Variants in ATP8A1 observed in about 807,000 individuals in gnomAD.
ATP8A1 encodes the protein ATPase phospholipid transporting 8A1.
A neutral mutation model predicts 177.7 loss-of-function variants in ATP8A1; 90 were observed. The ratio of observed to expected loss-of-function variants is 0.51; its 90% confidence interval spans 0.43 to 0.60. ATP8A1 has a LOEUF of 0.60. Among genes scored for constraint, ATP8A1 ranks in the 20% least tolerant of loss-of-function variants. ATP8A1 has a pLI of 0.00. For synonymous variants in ATP8A1, 493 were observed against 485.9 expected, an observed-to-expected ratio of 1.01 and a Z score of -0.19; for missense variants, 1,072 against 1,392.8, an observed-to-expected ratio of 0.77 and a Z score of 3.67.
chr4:42,436,862 T>A (rs1382299005), intron 33 of ATP8A1, among the ~76,000 whole-genome samples: 2 of 152,232 alleles, frequency 1.3e-5, no homozygotes, highest in Non-Finnish European at 2.9e-5. Flanking sequence ...AAATTCCTCA[T>A]ATGAAAAGTA....
intron 20 of ATP8A1, among the ~76,000 whole-genome samples, chr4:42,541,594 A>G (rs1728393252): frequency 6.6e-6 from 1 of 152,214 alleles, no homozygotes; most frequent in South Asian, 2.1e-4. Context: ...AGCTTTATTC[A>G]TATAATGGCC....
chr4:42,599,004 A>G (rs1734987611), intron 6 of ATP8A1, among the ~76,000 whole-genome samples: 1 of 152,140 alleles, frequency 6.6e-6, no homozygotes, highest in Non-Finnish European at 1.5e-5. Context: ...TGAAAATGCT[A>G]TTATTATGGG....
chr4:42,633,642 T>C (rs778905933), intron 1 of ATP8A1, among the ~76,000 whole-genome samples: 9 of 152,202 alleles, frequency 5.9e-5, no homozygotes, highest in Non-Finnish European at 1.0e-4. Context: ...AGTTTCATTA[T>C]GCATATAATA....
intron 20 of ATP8A1, among the ~76,000 whole-genome samples, chr4:42,528,593 C>A (rs571472772): frequency 1.3e-5 from 2 of 151,952 alleles, no homozygotes; most frequent in African/African-American, 4.8e-5. Context: ...ATGCAACCAC[C>A]GACTTGGCAA....
intron 19 of ATP8A1, among the ~76,000 whole-genome samples, chr4:42,547,450 G>C (rs765103238): frequency 3.3e-5 from 5 of 151,898 alleles, no homozygotes; most frequent in Non-Finnish European, 7.4e-5. Flanking sequence ...CTTCATCATT[G>C]AGTCCTGAAA....
At chr4:42,648,156 A>G (rs1024623199) in intron 1 of ATP8A1, among the ~76,000 whole-genome samples, 3 of 152,256 alleles carry the variant, frequency 2.0e-5, no homozygotes, top group African/African-American at 7.2e-5. Context: ...ATTCCAATAA[A>G]TATTCCAACA....
intron 24 of ATP8A1, among the ~76,000 whole-genome samples, chr4:42,493,360 G>GA (rs1407576478): frequency 1.3e-5 from 2 of 151,902 alleles, no homozygotes; most frequent in East Asian, 1.9e-4. Context: ...ATGTTATTTT[G>GA]AAAAAAATTC....
chr4:42,448,396 C>CTTTACATTTTTTTTTTTT lies in ATP8A1; in HGVS notation c.2897-1753_2897-1752insAAAAAAAAAAAATGTAAA, dbSNP rs778022629. Among the ~76,000 whole-genome samples, 2 of 84,132 alleles carry CTTTACATTTTTTTTTTTT rather than the reference C, an allele frequency of 2.4e-5. 1 individual carries two copies. Among genetic ancestry groups the CTTTACATTTTTTTTTTTT allele is most frequent in the Non-Finnish European group, 4.6e-5 (2 of 43,696 alleles). 55.2% of individuals were successfully genotyped at this position (84,132 alleles called of 152,430 possible). On this transcript the variant is annotated intron_variant, in intron 30 of 36. Transcript: ENST00000381668. ...GTAGCCTCCCTCCCTCCTTCTCTTT[C>CTTTACATTTTTTTTTTTT]TTTTCTTTTTTTTTTTTTTGAGATG...
intron 1 of ATP8A1, among the ~76,000 whole-genome samples, chr4:42,652,658 G>A (rs1170479551): frequency 6.6e-6 from 1 of 152,110 alleles, no homozygotes; most frequent in Non-Finnish European, 1.5e-5. Context: ...GACCTGGTGG[G>A]AGGTAACTGA....
intron 1 of ATP8A1, among the ~76,000 whole-genome samples, chr4:42,647,119 G>A (rs1397878184): frequency 1.6e-5 from 2 of 125,414 alleles, no homozygotes; most frequent in Non-Finnish European, 3.6e-5. Context: ...CCAAGTCAAA[G>A]GCAGTATTAT....
intron 20 of ATP8A1, among the ~76,000 whole-genome samples, chr4:42,535,397 T>C (rs1038943617): frequency 2.0e-5 from 3 of 152,086 alleles, no homozygotes; most frequent in African/African-American, 7.2e-5. Context: ...AAAGGACTAA[T>C]CCAACAGGAA....
chr4:42,442,235 C>T (rs1433456669), intron 33 of ATP8A1, among the ~76,000 whole-genome samples: 1 of 152,146 alleles, frequency 6.6e-6, no homozygotes, highest in Non-Finnish European at 1.5e-5. Flanking sequence ...AAGGCAAAGA[C>T]TTATGTCTAA....
chr4:42,633,448 C>G (rs1338694080), intron 1 of ATP8A1, among the ~76,000 whole-genome samples: 1 of 152,114 alleles, frequency 6.6e-6, no homozygotes, highest in Non-Finnish European at 1.5e-5. Context: ...ATTCAACATA[C>G]TTAAGAATCT....
chr4:42,524,633 C>A, intron 21 of ATP8A1, 130 bp downstream of exon 21: 3 of 514,610 alleles, frequency 5.8e-6, no homozygotes, highest in Non-Finnish European at 1.0e-5. Flanking sequence ...ATAGTAAAAT[C>A]TAAATTGCCA....
At chr4:42,478,104 CAGCCCTTTGGG>C (rs1721273497) in intron 25 of ATP8A1, among the ~76,000 whole-genome samples, 1 of 152,090 alleles carries the variant, frequency 6.6e-6, no homozygotes, top group African/African-American at 2.4e-5. Flanking sequence ...CCTGTAATCC[CAGCCCTTTGGG>C]AGACTGAGGC....
chr4:42,625,112 T>C (rs1328361063), intron 3 of ATP8A1: 4 of 152,176 alleles, frequency 2.6e-5, no homozygotes, highest in African/African-American at 9.7e-5. Context: ...TCTCTGATGG[T>C]AGAATAATGA....
At chr4:42,541,177 C>G (rs754364820) in intron 20 of ATP8A1, among the ~76,000 whole-genome samples, 3 of 151,808 alleles carry the variant, frequency 2.0e-5, no homozygotes, top group Non-Finnish European at 4.4e-5. Flanking sequence ...AAAAAAGTAA[C>G]TACAATAAAA....
At chr4:42,532,703 G>A (rs1287333561) in intron 20 of ATP8A1, among the ~76,000 whole-genome samples, 1 of 152,206 alleles carries the variant, frequency 6.6e-6, no homozygotes, top group East Asian at 1.9e-4. Context: ...CTCATACTGT[G>A]AATTGTCAGG....
chr4:42,627,625 T>A (rs898093365), intron 1 of ATP8A1, among the ~76,000 whole-genome samples: 1 of 152,218 alleles, frequency 6.6e-6, no homozygotes, highest in Non-Finnish European at 1.5e-5. Context: ...CCAGTTAGAA[T>A]TCATGTTCAC....
Sources: allele counts gnomAD v4.1 joint callset (sites outside exome capture counted in the v4.1 genomes callset), GRCh38; gene constraint gnomAD v4.1.1; transcripts MANE v1.5; gene names NCBI Gene and HGNC (gene_info 2026-07-23, HGNC 2026-07-21).